The following LMNB1 variants were observed in gnomAD, a reference collection of about 807,000 sequenced individuals.
LMNB1 encodes the protein lamin-B1.
In LMNB1, 23 loss-of-function variants were observed where a neutral mutation model predicts 67.1. The ratio of observed to expected loss-of-function variants is 0.34; its 90% confidence interval spans 0.25 to 0.49. The LOEUF (loss-of-function observed/expected upper bound fraction) is 0.49. Among genes scored for constraint, LMNB1 ranks in the 20% least tolerant of loss-of-function variants. The probability of loss-of-function intolerance (pLI) is 0.99; values close to 1 mark genes in which losing one functional copy is unlikely to be tolerated. For missense variants in LMNB1, 634 were observed against 746.5 expected (o/e 0.85, Z 1.76); for synonymous variants, 281 against 282.9 (o/e 0.99, Z 0.07).
chr5:126,814,705 AT>A (rs1751665456), intron 5 of LMNB1, among the ~76,000 whole-genome samples: 1 of 152,102 alleles, frequency 6.6e-6, no homozygotes, highest in African/African-American at 2.4e-5. Context: ...CGCCCAGCTA[AT>A]TCTTTGTATT....
intron 1 of LMNB1, among the ~76,000 whole-genome samples, chr5:126,787,378 CA>C (rs1422200704): frequency 7.1e-6 from 1 of 140,256 alleles, no homozygotes; most frequent in Non-Finnish European, 1.6e-5. Flanking sequence ...TCCTGAATGT[CA>C]AATAATTTAT....
chr5:126,826,136 A>G (rs754121625), intron 9 of LMNB1, 29 bp downstream of exon 9: 3 of 1,588,734 alleles, frequency 1.9e-6, no homozygotes, highest in Admixed American at 3.5e-5. Flanking sequence ...GACCACCACA[A>G]TGTTAATTTC....
intron 10 of LMNB1, 25 bp downstream of exon 10, chr5:126,832,826 T>C (rs1223684108): frequency 7.0e-7 from 1 of 1,420,938 alleles, no homozygotes; most frequent in East Asian, 2.5e-5. Flanking sequence ...ATTTAATATA[T>C]TTATTTCAAA....
intron 1 of LMNB1, among the ~76,000 whole-genome samples, chr5:126,803,532 G>A (rs547354908): frequency 6.6e-6 from 1 of 151,798 alleles, no homozygotes; most frequent in Non-Finnish European, 1.5e-5. Flanking sequence ...ACAGGCATGA[G>A]CCACCACGCC....
At chr5:126,812,718 C>CTTTTTT (rs11430160) in intron 5 of LMNB1, among the ~76,000 whole-genome samples, 27 of 117,140 alleles carry the variant, frequency 2.3e-4, no homozygotes, top group Admixed American at 2.7e-4. Flanking sequence ...CTTTATTTTA[C>CTTTTTT]TTTTTTTTTT....
At chr5:126,796,532 G>A (rs1412422271) in intron 1 of LMNB1, among the ~76,000 whole-genome samples, 1 of 152,200 alleles carries the variant, frequency 6.6e-6, no homozygotes, top group Non-Finnish European at 1.5e-5. Flanking sequence ...AAGCAGCAGA[G>A]TATATGGTAT....
At chr5:126,785,782 G>A (rs1461359574) in intron 1 of LMNB1, among the ~76,000 whole-genome samples, 2 of 152,162 alleles carry the variant, frequency 1.3e-5, no homozygotes, top group East Asian at 1.9e-4. Context: ...TGGAGGCCGA[G>A]GTGGGCGGAT....
intron 1 of LMNB1, among the ~76,000 whole-genome samples, chr5:126,803,543 C>T (rs567093903): frequency 1.5e-4 from 23 of 150,676 alleles, no homozygotes; most frequent in East Asian, 6.0e-4. Flanking sequence ...CCACCACGCC[C>T]GGCCTGTTTG....
At chr5:126,827,551 C>T (rs530025746) in intron 9 of LMNB1, among the ~76,000 whole-genome samples, 9 of 152,278 alleles carry the variant, frequency 5.9e-5, no homozygotes, top group Non-Finnish European at 8.8e-5. Flanking sequence ...GTCCAGGCTA[C>T]TCAGGAAGCT....
At chr5:126,810,491 T>C in intron 4 of LMNB1, 141 bp downstream of exon 4, 1 of 662,328 alleles carries the variant, frequency 1.5e-6, no homozygotes, top group Non-Finnish European at 2.3e-6. Context: ...AGAAAATTGA[T>C]TTTTTCAAAA....
At chr5:126,808,435 C>T (rs1281411700) in intron 3 of LMNB1, among the ~76,000 whole-genome samples, 1 of 148,788 alleles carries the variant, frequency 6.7e-6, no homozygotes, top group Middle Eastern at 3.7e-3. Context: ...GTGAGCCACT[C>T]GCCTCAGCCT....
chr5:126,800,982 A>ATATATATATATATATAATTTTTTTTTT, intron 1 of LMNB1, among the ~76,000 whole-genome samples: 2 of 18,628 alleles, frequency 1.1e-4, no homozygotes, highest in African/African-American at 3.4e-4. Context: ...TATATATATA[A>ATATATATATATATATAATTTTTTTTTT]TTTTTTTTTT....
chr5:126,789,006 C>A (rs959842999), intron 1 of LMNB1, among the ~76,000 whole-genome samples: 1 of 151,906 alleles, frequency 6.6e-6, no homozygotes, highest in Non-Finnish European at 1.5e-5. Flanking sequence ...AGTGATCCTC[C>A]CACCTCAGCC....
intron 1 of LMNB1, among the ~76,000 whole-genome samples, chr5:126,794,757 T>C (rs988938669): frequency 6.6e-6 from 1 of 152,208 alleles, no homozygotes; most frequent in South Asian, 2.1e-4. Flanking sequence ...AATCCTTGTT[T>C]TGTGGCTTTG....
At position 126,821,112 on chromosome 5, in the gene LMNB1, C is replaced by T. The variant is rs771709057; in HGVS notation, c.1363C>T (p.Arg455Cys). ...AATTGATGTTGATGGGAAATTTATCCGCTTGAAGAACACTTCTGAACAGGT... is the reference window on the plus strand; with the variant it reads ...AATTGATGTTGATGGGAAATTTATCTGCTTGAAGAACACTTCTGAACAGGT... ...EEIDVDGKFI[R>C]LKNTSEQDQP... The change falls in exon 7 of 11, where the codon CGC becomes TGC. Residue 455 changes from arginine to cysteine, a missense_variant. Arg to Cys is a radical substitution (Grantham distance 180). Transcript: ENST00000261366. 9 of 1,612,782 alleles carry T rather than the reference C, an allele frequency of 5.6e-6. No individual in the cohort carries two copies. Among genetic ancestry groups the T allele is most frequent in the East Asian group, 4.5e-5 (2 of 44,880 alleles).
In LMNB1 at chr5:126,828,856, G is replaced by A. The variant is rs181589936; in HGVS notation, c.1611+2749G>A. ...ATTACAGGTGTGAGCCACCATGCCC[G>A]GCCAAGGTTGGTCCATTCTTTTAAC... On this transcript the variant is annotated intron_variant, in intron 9 of 10. Transcript: ENST00000261366. 7.6e-4 allele frequency among the ~76,000 whole-genome samples: 115 copies of A among 152,056 alleles called. No individual in the cohort carries two copies. In the East Asian group the frequency reaches 0.019, roughly 26 times the overall value.
intron 10 of LMNB1, among the ~76,000 whole-genome samples, chr5:126,834,748 A>C (rs927600321): frequency 2.6e-5 from 4 of 151,974 alleles, no homozygotes; most frequent in South Asian, 4.1e-4. Flanking sequence ...TGGTGGCGGG[A>C]GCCTGTAGTC....
chr5:126,818,989 G>T lies in LMNB1; in HGVS notation c.1007G>T (p.Arg336Leu), dbSNP rs897273962. 5.0e-6 allele frequency: 8 copies of T among 1,614,014 alleles called. No individual in the cohort carries two copies. The highest frequency in any genetic ancestry group is 6.8e-6 in the Non-Finnish European group (8 of 1,180,012). ...CTTGCTAAAGAAAAAGACAACTCTC[G>T]TCGCATGCTGACAGACAAAGAGAGA... Reference protein sequence around the residue: ...DLLAKEKDNSRRMLTDKEREM... With the variant: ...DLLAKEKDNSLRMLTDKEREM... Residue 336 changes from arginine (R) to leucine (L), a missense_variant, in exon 6 of 11, where the codon CGT becomes CTT. Coordinates refer to ENST00000261366, the MANE Select transcript of LMNB1 (RefSeq NM_005573.4).
intron 7 of LMNB1, 60 bp downstream of exon 7, chr5:126,821,195 A>G: frequency 9.1e-7 from 1 of 1,103,012 alleles, no homozygotes; most frequent in Non-Finnish European, 1.4e-6. Flanking sequence ...ATTCTCTTGC[A>G]ATTGTCATAG....
Sources: gnomAD v4.1 joint callset for allele counts (sites outside exome capture counted in the v4.1 genomes callset) on GRCh38, gnomAD v4.1.1 for gene constraint, MANE v1.5 for transcripts, NCBI Gene and HGNC (gene_info 2026-07-23, HGNC 2026-07-21) for gene names.